ERG: variants seen among roughly 807,000 people sequenced by gnomAD.
The protein encoded by ERG is transcriptional regulator ERG.
Under a neutral mutation model 55.3 loss-of-function variants are expected in ERG, and 9 were observed. The observed-to-expected ratio is 0.16, with a 90% CI of 0.10 to 0.28. The LOEUF (loss-of-function observed/expected upper bound fraction) is 0.28, where lower values mean the gene tolerates loss of function less well. Among genes scored for constraint, ERG ranks in the 10% least tolerant of loss-of-function variants. The probability of loss-of-function intolerance (pLI) is 1.00; values close to 1 mark genes in which losing one functional copy is unlikely to be tolerated. For missense variants in ERG, 434 were observed against 631.6 expected, an observed-to-expected ratio of 0.69 and a Z score of 3.35; for synonymous variants, 223 against 237.3, an observed-to-expected ratio of 0.94 and a Z score of 0.55.
At chr21:38,453,840 C>T (rs1167136453) in intron 1 of ERG, among the ~76,000 whole-genome samples, 4 of 148,870 alleles carry the variant, frequency 2.7e-5, no homozygotes, top group East Asian at 2.0e-4. Flanking sequence ...GCTGAGATCG[C>T]GCCACGGCAC....
chr21:38,556,481 C>T (rs2059858953), intron 2 of ERG, among the ~76,000 whole-genome samples: 1 of 152,120 alleles, frequency 6.6e-6, no homozygotes, highest in Admixed American at 6.5e-5. Context: ...ATGAGCCAAT[C>T]ACATTTCTGC....
intron 1 of ERG, among the ~76,000 whole-genome samples, chr21:38,579,124 C>G (rs1732677824): frequency 6.6e-6 from 1 of 152,176 alleles, no homozygotes; most frequent in African/African-American, 2.4e-5. Context: ...CAACTGAATT[C>G]TCACTTCACA....
rs752506602 is a variant in ERG at position 38,403,559 on chromosome 21, G to A, written c.539C>T (p.Thr180Ile). Residue 180 changes from threonine to isoleucine, a missense_variant, in exon 4 of 10, where the codon ACC becomes ATC. Physicochemically the swap from Thr to Ile is moderately conservative, Grantham distance 89. Around this residue, in one of 5 missense-constraint regions of ERG, gnomAD observed 212 missense variants for 262.9 expected, o/e 0.81. Coordinates refer to ENST00000288319, the MANE Select transcript of ERG (RefSeq NM_182918.4). Reference protein sequence around the residue: ...KMTKDDFQRLTPSYNADILLS... With the variant: ...KMTKDDFQRLIPSYNADILLS... Reference sequence around the variant, plus strand: ...AAGGATGTCGGCGTTGTAGCTGGGGGTGAGCCTCTGGAAGTCGTCCTTGGT... The same window carrying A: ...AAGGATGTCGGCGTTGTAGCTGGGGATGAGCCTCTGGAAGTCGTCCTTGGT... 2.5e-6 allele frequency: 4 copies of A among 1,614,182 alleles called. No individual in the cohort carries two copies. The highest frequency in any genetic ancestry group is 1.1e-5 in the South Asian group (1 of 91,080).
At chr21:38,418,927 C>CAAAAAAAAAAAA (rs35001409) in intron 3 of ERG, among the ~76,000 whole-genome samples, 5 of 80,896 alleles carry the variant, frequency 6.2e-5, no homozygotes, top group Non-Finnish European at 1.2e-4. Context: ...GACTTTGTCT[C>CAAAAAAAAAAAA]AAAAAAAAAA....
intron 2 of ERG, among the ~76,000 whole-genome samples, chr21:38,575,066 C>T (rs1468814831): frequency 6.6e-6 from 1 of 152,214 alleles, no homozygotes; most frequent in East Asian, 1.9e-4. Flanking sequence ...CTTCCTCACC[C>T]TCTCACCTCC....
intron 2 of ERG, among the ~76,000 whole-genome samples, chr21:38,570,580 C>T (rs1476770841): frequency 6.6e-6 from 1 of 152,194 alleles, no homozygotes; most frequent in Non-Finnish European, 1.5e-5. Flanking sequence ...TCAGTGGGGT[C>T]TAAATGTACT....
intron 2 of ERG, among the ~76,000 whole-genome samples, chr21:38,517,544 A>G (rs569698373): frequency 1.3e-5 from 2 of 152,238 alleles, no homozygotes; most frequent in African/African-American, 4.8e-5. Flanking sequence ...TATAGAAAAC[A>G]GTAGAGATTT....
chr21:38,377,670 A>G (rs892168051), downstream of ERG, among the ~76,000 whole-genome samples: 5 of 152,130 alleles, frequency 3.3e-5, no homozygotes, highest in African/African-American at 1.2e-4. Context: ...TTTCTTGTAT[A>G]TTTTGTCTAC....
At chr21:38,455,729 ACT>A (rs2058982097) in intron 1 of ERG, among the ~76,000 whole-genome samples, 1 of 143,622 alleles carries the variant, frequency 7.0e-6, no homozygotes, top group South Asian at 2.2e-4. Flanking sequence ...TCCACCCACA[ACT>A]CTGTCTCTGC....
chr21:38,415,595 G>T (rs191653643), intron 3 of ERG, among the ~76,000 whole-genome samples: 60 of 152,224 alleles, frequency 3.9e-4, no homozygotes, highest in Admixed American at 3.9e-4. Flanking sequence ...AGATCCTCGG[G>T]TGTGTTCAGG....
At position 38,637,816 on chromosome 21, in the gene ERG, CGT is replaced by C. The variant is rs141642791; in HGVS notation, c.-150+23840_-150+23841del. On this transcript the variant is annotated intron_variant, in intron 1 of 10. Coordinates refer to the ERG transcript ENST00000398910. ...TGTCTCTTCACAAGTTCTTTTTCTG[CGT>C]GTGTGTGTGTGTGTGTGTACACATG... Among the ~76,000 whole-genome samples, 795 of 148,404 alleles carry C rather than the reference CGT, an allele frequency of 5.4e-3. 1 individual carries two copies. The highest frequency in any genetic ancestry group is 7.9e-3 in the African/African-American group (322 of 40,876).
intron 2 of ERG, among the ~76,000 whole-genome samples, chr21:38,433,660 G>A (rs1211290846): frequency 6.6e-6 from 1 of 152,166 alleles, no homozygotes; most frequent in Non-Finnish European, 1.5e-5. Context: ...CCTTGTGAGT[G>A]TGAATGGGCC....
intron 1 of ERG, among the ~76,000 whole-genome samples, chr21:38,642,360 A>G (rs1285909841): frequency 6.6e-6 from 1 of 152,250 alleles, no homozygotes; most frequent in South Asian, 2.1e-4. Context: ...CACGGTAAAC[A>G]AAGTATTATT....
chr21:38,412,080 G>A (rs111339303), intron 3 of ERG, among the ~76,000 whole-genome samples: 10 of 152,202 alleles, frequency 6.6e-5, no homozygotes, highest in African/African-American at 2.4e-4. Context: ...CTTTGTTTGT[G>A]CAAGATTTTT....
At chr21:38,542,446 A>C (rs2059759951) in intron 2 of ERG, among the ~76,000 whole-genome samples, 1 of 152,222 alleles carries the variant, frequency 6.6e-6, no homozygotes, top group Admixed American at 6.5e-5. Flanking sequence ...TCCAAAGGCT[A>C]AAAGATGTTT....
intron 1 of ERG, among the ~76,000 whole-genome samples, chr21:38,647,133 A>G (rs980319861): frequency 1.6e-4 from 24 of 152,312 alleles, no homozygotes; most frequent in Middle Eastern, 3.4e-3. Context: ...GTGCTTGAAC[A>G]ATACAAAGGG....
In ERG at chr21:38,429,676, T is replaced by C. The variant is rs909765094; in HGVS notation, c.237-6115A>G. Among the ~76,000 whole-genome samples the C allele has an allele frequency of 1.3e-5, 2 of 151,006 alleles. 1 individual carries two copies. The highest frequency in any genetic ancestry group is 2.9e-5 in the Non-Finnish European group (2 of 67,806). On this transcript the variant is annotated intron_variant, in intron 2 of 9. Coordinates refer to ENST00000288319, the MANE Select transcript of ERG (RefSeq NM_182918.4). ...GTACATATATACATATATGTGTATATATGTATATATGTGTGTATACATGTA... is the reference window on the plus strand; with the variant it reads ...GTACATATATACATATATGTGTATACATGTATATATGTGTGTATACATGTA...
chr21:38,394,775 T>C (rs1208464161), intron 6 of ERG, among the ~76,000 whole-genome samples: 1 of 152,160 alleles, frequency 6.6e-6, no homozygotes, highest in Non-Finnish European at 1.5e-5. Context: ...AGAAATGCTA[T>C]CTAGAGTGTG....
intron 1 of ERG, among the ~76,000 whole-genome samples, chr21:38,602,240 C>G (rs974649777): frequency 1.3e-5 from 2 of 152,064 alleles, no homozygotes; most frequent in African/African-American, 4.8e-5. Flanking sequence ...GTCAGCAGAT[C>G]AAGATCATCC....
Sources: gnomAD v4.1 joint callset for allele counts (sites outside exome capture counted in the v4.1 genomes callset) on GRCh38, gnomAD v4.1.1 for gene constraint, gnomAD v4.1.1 regional missense constraint, MANE v1.5 for transcripts, NCBI Gene and HGNC (gene_info 2026-07-23, HGNC 2026-07-21) for gene names.